Variants in UBR2 observed in about 807,000 individuals in gnomAD.
UBR2 encodes ubiquitin protein ligase E3 component n-recognin 2.
In UBR2, 92 loss-of-function variants were observed where a neutral mutation model predicts 247.9. The observed-to-expected ratio is 0.37, with a 90% CI of 0.31 to 0.44. The LOEUF (loss-of-function observed/expected upper bound fraction) is 0.44, where lower values mean the gene tolerates loss of function less well. UBR2 is among the 20% of genes least tolerant of loss of function. UBR2 has a pLI of 1.00. For missense variants in UBR2, 1,613 were observed against 2,112.6 expected (o/e 0.76, Z 4.64); for synonymous variants, 672 against 693.5 (o/e 0.97, Z 0.49).
At chr6:42,651,505 T>TA (rs1797109820) in intron 23 of UBR2, among the ~76,000 whole-genome samples, 1 of 152,030 alleles carries the variant, frequency 6.6e-6, no homozygotes, top group African/African-American at 2.4e-5. Flanking sequence ...TTTTTATTTT[T>TA]TATTTTTTTT....
In UBR2 at chr6:42,673,901, C is replaced by A; in HGVS notation, c.4183+14C>A. The A allele has an allele frequency of 6.3e-7, 1 of 1,581,016 alleles. No individual in the cohort carries two copies. Among genetic ancestry groups the A allele is most frequent in the Non-Finnish European group, 8.7e-7 (1 of 1,155,806 alleles). ...AACTTTTTGCATGTGAGTATTAATA[C>A]ATTTATAACATGTTGTAATTTTTCA... is the stretch of plus-strand genomic sequence containing the variant. On this transcript the variant is annotated intron_variant, in intron 37 of 46. Transcript: ENST00000372901.
At chr6:42,646,154 A>G (rs1288032878) in intron 21 of UBR2, among the ~76,000 whole-genome samples, 4 of 152,144 alleles carry the variant, frequency 2.6e-5, no homozygotes, top group African/African-American at 9.7e-5. Flanking sequence ...AGCAACCTAT[A>G]TTTCAGCCAT....
intron 4 of UBR2, among the ~76,000 whole-genome samples, chr6:42,601,121 C>T (rs1793330034): frequency 6.6e-6 from 1 of 152,138 alleles, no homozygotes; most frequent in South Asian, 2.1e-4. Context: ...GTTTATCAAA[C>T]TCTTCAATCC....
chr6:42,690,260 G>A (rs1799679807), intron 46 of UBR2, among the ~76,000 whole-genome samples: 1 of 152,254 alleles, frequency 6.6e-6, no homozygotes, highest in African/African-American at 2.4e-5. Context: ...CCAGCCTTAA[G>A]TAGCAGATGT....
chr6:42,603,745 G>A, intron 5 of UBR2, 27 bp downstream of exon 5: 1 of 1,567,358 alleles, frequency 6.4e-7, no homozygotes, highest in Non-Finnish European at 8.6e-7. Context: ...TATTCTTCAT[G>A]TATGAAGAAC....
In UBR2 at chr6:42,678,695, T is replaced by C. The variant is rs931557540; in HGVS notation, c.4609+26T>C. ...GTAATTTATACTTTCTTTCAAAACG[T>C]AGGGAGAGTTAGTAATCCTTTACTC... On this transcript the variant is annotated intron_variant, in intron 41 of 46. Coordinates refer to ENST00000372901, the MANE Select transcript of UBR2 (RefSeq NM_001363705.2). The C allele has an allele frequency of 4.4e-6, 7 of 1,597,460 alleles. No individual in the cohort carries two copies. The African/African-American group carries it at 6.8e-5, about 15-fold the overall frequency.
chr6:42,642,584 C>A (rs1357479146), intron 18 of UBR2, 103 bp downstream of exon 18: 1 of 888,440 alleles, frequency 1.1e-6, no homozygotes, highest in Non-Finnish European at 1.8e-6. Context: ...ATCTACAACT[C>A]CAGCCTAGCC....
chr6:42,566,778 CTAGAG>C (rs1459343878), intron 1 of UBR2, among the ~76,000 whole-genome samples: 2 of 151,664 alleles, frequency 1.3e-5, no homozygotes, highest in African/African-American at 4.9e-5. Context: ...GTTGCCCAGA[CTAGAG>C]TATAGTGACA....
intron 36 of UBR2, among the ~76,000 whole-genome samples, chr6:42,673,023 CT>C (rs1328036202): frequency 1.3e-5 from 2 of 152,196 alleles, no homozygotes; most frequent in African/African-American, 4.8e-5. Flanking sequence ...CATATTTATG[CT>C]TGATTACAAT....
At chr6:42,684,275 A>G (rs892767907) in intron 43 of UBR2, among the ~76,000 whole-genome samples, 6 of 152,164 alleles carry the variant, frequency 3.9e-5, no homozygotes, top group African/African-American at 1.4e-4. Flanking sequence ...TGATTTTGAT[A>G]TGATTAAGAA....
In UBR2 at chr6:42,658,018, C is replaced by A; in HGVS notation, c.2873-6C>A. Reference sequence around the variant, plus strand: ...TGTTATTGTGCCTTTTATTTTTCTGCCGTAGAACCTGGTGAAGCGCCAAAA... The same window carrying A: ...TGTTATTGTGCCTTTTATTTTTCTGACGTAGAACCTGGTGAAGCGCCAAAA... On this transcript the variant is annotated splice_polypyrimidine_tract_variant and splice_region_variant and intron_variant, in intron 26 of 46. Coordinates refer to ENST00000372901, the MANE Select transcript of UBR2 (RefSeq NM_001363705.2). 1 of 1,605,018 alleles carries A rather than the reference C, an allele frequency of 6.2e-7. No individual in the cohort carries two copies. The highest frequency in any genetic ancestry group is 8.5e-7 in the Non-Finnish European group (1 of 1,172,600).
intron 4 of UBR2, among the ~76,000 whole-genome samples, chr6:42,599,358 G>A (rs933408223): frequency 1.3e-5 from 2 of 152,088 alleles, no homozygotes; most frequent in Non-Finnish European, 2.9e-5. Context: ...TTTGAGCCCA[G>A]GAGTTTGAGG....
intron 2 of UBR2, among the ~76,000 whole-genome samples, chr6:42,586,882 CGCAATCTCGGCTCACT>C (rs1562286199): frequency 7.4e-6 from 1 of 136,034 alleles, no homozygotes; most frequent in Non-Finnish European, 1.5e-5. Flanking sequence ...AGTGCAGTGG[CGCAATCTCGGCTCACT>C]GCAACCTCGC....
At chr6:42,662,977 C>T (rs1010998393) in intron 31 of UBR2, among the ~76,000 whole-genome samples, 2 of 151,756 alleles carry the variant, frequency 1.3e-5, no homozygotes, top group Non-Finnish European at 2.9e-5. Context: ...TAGCCACCAG[C>T]CTTGGGGAAG....
chr6:42,684,392 C>T (rs1161478782), intron 43 of UBR2, among the ~76,000 whole-genome samples: 3 of 151,200 alleles, frequency 2.0e-5, no homozygotes, highest in East Asian at 1.9e-4. Flanking sequence ...CTGGCTAATA[C>T]GGTGAAACCC....
At chr6:42,636,042 C>T (rs1464857729) in intron 14 of UBR2, among the ~76,000 whole-genome samples, 2 of 152,106 alleles carry the variant, frequency 1.3e-5, no homozygotes, top group African/African-American at 4.8e-5. Context: ...AAGACAGCTG[C>T]ATTATAGTCT....
At chr6:42,594,336 C>G in intron 4 of UBR2, 32 bp downstream of exon 4, 1 of 1,539,986 alleles carries the variant, frequency 6.5e-7, no homozygotes, top group Non-Finnish European at 8.9e-7. Flanking sequence ...TGTTTTTAAC[C>G]CAAGTTTGAA....
intron 20 of UBR2, among the ~76,000 whole-genome samples, chr6:42,645,017 T>G (rs1796673806): frequency 6.6e-6 from 1 of 152,148 alleles, no homozygotes; most frequent in South Asian, 2.1e-4. Context: ...TACTACTGTT[T>G]TAGACCCCCT....
At chr6:42,607,330 G>A (rs1157696581) in intron 7 of UBR2, among the ~76,000 whole-genome samples, 1 of 151,594 alleles carries the variant, frequency 6.6e-6, no homozygotes, top group Non-Finnish European at 1.5e-5. Flanking sequence ...GCCACGCCCA[G>A]CTAATTTTTG....
Sources: allele counts gnomAD v4.1 joint callset (sites outside exome capture counted in the v4.1 genomes callset), GRCh38; gene constraint gnomAD v4.1.1; transcripts MANE v1.5; gene names NCBI Gene and HGNC (gene_info 2026-07-23, HGNC 2026-07-21).